The following POU6F2 variants were observed in gnomAD, a reference collection of about 807,000 sequenced individuals.
POU6F2 encodes POU domain, class 6, transcription factor 2.
Under a neutral mutation model 71.3 loss-of-function variants are expected in POU6F2, and 31 were observed. The observed-to-expected ratio is 0.43, with a 90% CI of 0.33 to 0.59. The LOEUF (loss-of-function observed/expected upper bound fraction) is 0.59. POU6F2 is among the 20% of genes least tolerant of loss of function. The pLI, the probability that POU6F2 is intolerant of heterozygous loss-of-function variation, is 0.04. For missense variants in POU6F2, 783 were observed against 856.8 expected (o/e 0.91, Z 1.07); for synonymous variants, 347 against 355.7 (o/e 0.98, Z 0.27).
At chr7:39,178,637 T>C (rs1270273625) in intron 2 of POU6F2, among the ~76,000 whole-genome samples, 1 of 152,314 alleles carries the variant, frequency 6.6e-6, no homozygotes, top group East Asian at 1.9e-4. Flanking sequence ...AGTTGAGTCT[T>C]TTCATGAAAA....
At chr7:39,387,308 C>A (rs1462506723) in intron 5 of POU6F2, among the ~76,000 whole-genome samples, 3 of 152,214 alleles carry the variant, frequency 2.0e-5, no homozygotes, top group Non-Finnish European at 4.4e-5. Flanking sequence ...GTACTAAGAA[C>A]CATTTCATAG....
chr7:39,110,260 C>A (rs1403986348), intron 2 of POU6F2, among the ~76,000 whole-genome samples: 3 of 117,182 alleles, frequency 2.6e-5, no homozygotes, highest in African/African-American at 9.4e-5. Flanking sequence ...CAGAGCGAAA[C>A]TCCGTCTCAA....
At chr7:39,302,447 A>G (rs192697975) in intron 4 of POU6F2, among the ~76,000 whole-genome samples, 120 of 152,340 alleles carry the variant, frequency 7.9e-4, no homozygotes, top group African/African-American at 2.8e-3. Context: ...AAGAAACTCA[A>G]TACTCCACAT....
chr7:39,003,009 A>G lies in POU6F2; in HGVS notation c.105+24951A>G, dbSNP rs187691868. ...GGGACAGCACTTGTGGAAAGCCAAC[A>G]CAATTTAGTTATCTTCGTTTCCGAA... is the stretch of plus-strand genomic sequence containing the variant. On this transcript the variant is annotated intron_variant, in intron 1 of 9. Transcript: ENST00000518318. Among the ~76,000 whole-genome samples the G allele has an allele frequency of 7.2e-5, 11 of 152,360 alleles. No individual in the cohort carries two copies. The East Asian group carries it at 2.1e-3, about 29-fold the overall frequency.
intron 1 of POU6F2, among the ~76,000 whole-genome samples, chr7:39,017,333 T>C (rs188622401): frequency 6.6e-6 from 1 of 152,366 alleles, no homozygotes; most frequent in Non-Finnish European, 1.5e-5. Flanking sequence ...TAGTGATTTA[T>C]GTAATCTATC....
At chr7:38,983,964 G>A (rs1047794340) in intron 1 of POU6F2, among the ~76,000 whole-genome samples, 1 of 151,966 alleles carries the variant, frequency 6.6e-6, no homozygotes, top group African/African-American at 2.4e-5. Flanking sequence ...AACCCCCATG[G>A]TATGAAAGAT....
chr7:39,008,939 T>C (rs1233880504), intron 1 of POU6F2, among the ~76,000 whole-genome samples: 3 of 151,874 alleles, frequency 2.0e-5, no homozygotes, highest in African/African-American at 7.2e-5. Flanking sequence ...TGTAGTATAG[T>C]TTGAAGTCAG....
rs746760978 is a variant in POU6F2 at position 39,441,462 on chromosome 7, A to G, written c.1320+8179A>G. ...GAGGAGCAAGGGAAGAAAAAAAATC[A>G]GAAAAAAATATGAGAAGCAAGGGAA... On this transcript the variant is annotated intron_variant, in intron 7 of 9. Transcript: ENST00000518318. Among the ~76,000 whole-genome samples the G allele has an allele frequency of 8.6e-4, 131 of 152,296 alleles. 1 individual carries two copies. In the Middle Eastern group the frequency reaches 0.014, roughly 16 times the overall value.
intron 1 of POU6F2, among the ~76,000 whole-genome samples, chr7:39,061,441 CTGTT>C (rs1290098655): frequency 6.6e-6 from 1 of 152,132 alleles, no homozygotes; most frequent in Non-Finnish European, 1.5e-5. Flanking sequence ...TGTTAATAAA[CTGTT>C]TGAACTCATT....
intron 1 of POU6F2, chr7:39,013,698 C>G (rs1789393519): frequency 6.6e-6 from 1 of 152,168 alleles, no homozygotes; most frequent in Non-Finnish European, 1.5e-5. Flanking sequence ...ATAAAGAAGG[C>G]AGCATTTATG....
At chr7:39,401,152 T>A (rs1562816336) in intron 5 of POU6F2, among the ~76,000 whole-genome samples, 1 of 152,174 alleles carries the variant, frequency 6.6e-6, no homozygotes, top group African/African-American at 2.4e-5. Flanking sequence ...GGGGACTCCT[T>A]TCCACCTGGC....
intron 1 of POU6F2, among the ~76,000 whole-genome samples, chr7:39,080,461 A>T (rs1389505395): frequency 6.6e-6 from 1 of 152,202 alleles, no homozygotes; most frequent in Non-Finnish European, 1.5e-5. Flanking sequence ...GATGTAGGTA[A>T]TTTGTTTCTA....
intron 4 of POU6F2, among the ~76,000 whole-genome samples, chr7:39,216,046 C>T (rs2128747541): frequency 6.6e-6 from 1 of 152,322 alleles, no homozygotes. Context: ...AAAGCTTCAG[C>T]TCAAGAGCTG....
intron 5 of POU6F2, among the ~76,000 whole-genome samples, chr7:39,380,174 T>TA (rs1342062425): frequency 1.3e-5 from 2 of 152,204 alleles, no homozygotes; most frequent in African/African-American, 4.8e-5. Flanking sequence ...AAACCTGGCC[T>TA]AAAAAATTCT....
intron 2 of POU6F2, among the ~76,000 whole-genome samples, chr7:39,151,297 G>A (rs1012846025): frequency 6.6e-6 from 1 of 152,196 alleles, no homozygotes; most frequent in South Asian, 2.1e-4. Context: ...CCATGGCACA[G>A]TAAAAGTGGT....
chr7:39,254,553 A>G (rs549258202), intron 4 of POU6F2, among the ~76,000 whole-genome samples: 1 of 152,258 alleles, frequency 6.6e-6, no homozygotes, highest in Non-Finnish European at 1.5e-5. Context: ...CCAGGAACCA[A>G]TGTCACGCTT....
chr7:39,215,548 C>T (rs1283476024), intron 4 of POU6F2, among the ~76,000 whole-genome samples: 1 of 152,068 alleles, frequency 6.6e-6, no homozygotes, highest in Non-Finnish European at 1.5e-5. Context: ...TCTATTAAGG[C>T]AACATTTATT....
intron 2 of POU6F2, among the ~76,000 whole-genome samples, chr7:39,143,940 C>A (rs751577138): frequency 4.6e-5 from 7 of 152,230 alleles, no homozygotes; most frequent in Non-Finnish European, 7.4e-5. Context: ...GACAAGGGAG[C>A]AAAAGAGGCT....
At chr7:39,405,362 C>G (rs1275269071) in intron 5 of POU6F2, among the ~76,000 whole-genome samples, 4 of 151,866 alleles carry the variant, frequency 2.6e-5, no homozygotes, top group African/African-American at 9.7e-5. Context: ...GAGACTGAGA[C>G]AAAAAATGAA....
Sources: gnomAD v4.1 joint callset for allele counts (sites outside exome capture counted in the v4.1 genomes callset) on GRCh38, gnomAD v4.1.1 for gene constraint, MANE v1.5 for transcripts, NCBI Gene and HGNC (gene_info 2026-07-23, HGNC 2026-07-21) for gene names.